The following MAP2K2 variants were observed in gnomAD, a reference collection of about 807,000 sequenced individuals.
MAP2K2 encodes the protein mitogen-activated protein kinase kinase 2.
MAP2K2 carries 24 observed loss-of-function variants against 43.7 expected under a neutral mutation model. That is an observed-to-expected ratio of 0.55 (90% CI 0.40 to 0.77). The LOEUF is 0.77. Ranked by LOEUF, MAP2K2 falls within the 30% of genes least tolerant of loss-of-function variation. The pLI is 0.00. For missense variants in MAP2K2, 470 were observed against 566.8 expected (o/e 0.83, Z 1.73); for synonymous variants, 244 against 239.7 (o/e 1.02, Z -0.17).
At chr19:4,121,296 C>T (rs568729427) in intron 1 of MAP2K2, among the ~76,000 whole-genome samples, 4 of 152,020 alleles carry the variant, frequency 2.6e-5, no homozygotes, top group South Asian at 2.1e-4. Flanking sequence ...AAGGGTTTTC[C>T]GGTCCACTCA....
chr19:4,121,630 C>T (rs1338341622), intron 1 of MAP2K2, among the ~76,000 whole-genome samples: 7 of 93,902 alleles, frequency 7.5e-5, no homozygotes, highest in Admixed American at 2.2e-4. Flanking sequence ...ACATGACCCC[C>T]GAGGACCCAA....
At chr19:4,100,812 G>A in intron 6 of MAP2K2, 1 of 629,332 alleles carries the variant, frequency 1.6e-6, no homozygotes, top group Non-Finnish European at 2.8e-6. Flanking sequence ...GGTGCTAACA[G>A]CCATGTAGGA....
chr19:4,118,288 G>A (rs951730615), intron 1 of MAP2K2, among the ~76,000 whole-genome samples: 2 of 152,150 alleles, frequency 1.3e-5, no homozygotes, highest in African/African-American at 4.8e-5. Flanking sequence ...GGGAGGAGAC[G>A]AGGAAGCTGG....
chr19:4,112,649 G>A (rs2041168461), intron 2 of MAP2K2, among the ~76,000 whole-genome samples: 1 of 152,034 alleles, frequency 6.6e-6, no homozygotes, highest in Non-Finnish European at 1.5e-5. Flanking sequence ...CGCAGCCCTG[G>A]CGCTGCCTGC....
intron 2 of MAP2K2, among the ~76,000 whole-genome samples, chr19:4,116,628 C>T (rs992083332): frequency 6.6e-6 from 1 of 152,150 alleles, no homozygotes; most frequent in Admixed American, 6.6e-5. Flanking sequence ...CATTCCACAC[C>T]CAGGCTCCCA....
At chr19:4,108,021 G>C (rs2145066048) in intron 3 of MAP2K2, among the ~76,000 whole-genome samples, 1 of 152,288 alleles carries the variant, frequency 6.6e-6, no homozygotes, top group African/African-American at 2.4e-5. Flanking sequence ...TTGCCTCACT[G>C]GGGTGGCCTG....
intron 2 of MAP2K2, among the ~76,000 whole-genome samples, chr19:4,111,149 A>G (rs1183734888): frequency 6.6e-6 from 1 of 152,128 alleles, no homozygotes; most frequent in Non-Finnish European, 1.5e-5. Flanking sequence ...GATGGGGGTG[A>G]CTGCTGATGT....
At chr19:4,114,362 C>T (rs536205200) in intron 2 of MAP2K2, among the ~76,000 whole-genome samples, 2 of 152,218 alleles carry the variant, frequency 1.3e-5, no homozygotes, top group Non-Finnish European at 2.9e-5. Flanking sequence ...GGCTTCGACT[C>T]AGGTCGTCAC....
At chr19:4,117,730 T>C in intron 1 of MAP2K2, 101 bp from the exon 2 acceptor site, 1 of 1,037,008 alleles carries the variant, frequency 9.6e-7, no homozygotes, top group East Asian at 2.4e-5. Flanking sequence ...GGACACAGAC[T>C]GGATTCCTGC....
At chr19:4,120,893 T>C (rs1211754629) in intron 1 of MAP2K2, among the ~76,000 whole-genome samples, 1 of 145,380 alleles carries the variant, frequency 6.9e-6, no homozygotes, top group Non-Finnish European at 1.6e-5. Context: ...TGTCTGGCTG[T>C]GCCCGTGTTG....
At chr19:4,098,640 C>T (rs2040955606) in intron 7 of MAP2K2, among the ~76,000 whole-genome samples, 1 of 152,176 alleles carries the variant, frequency 6.6e-6, no homozygotes. Context: ...CCCGAGGTGC[C>T]CGCCCTAAGT....
chr19:4,122,962 A>G (rs2041319635), intron 1 of MAP2K2, among the ~76,000 whole-genome samples: 1 of 137,324 alleles, frequency 7.3e-6, no homozygotes, highest in South Asian at 2.3e-4. Context: ...TCCCCTCTGG[A>G]GCCCCCTTGC....
Position 4,101,769 on chromosome 19 carries a change from T to C in MAP2K2, c.529-489A>G, listed in dbSNP as rs554069567. 7.2e-5 allele frequency among the ~76,000 whole-genome samples: 11 copies of C among 152,232 alleles called. No homozygotes were observed. In the East Asian group the frequency reaches 1.9e-3, roughly 27 times the overall value. On this transcript the variant is annotated intron_variant, in intron 4 of 10. Transcript: ENST00000262948. The surrounding 1 kb of genome is among the most constrained non-coding windows in gnomAD (Gnocchi z 6.3). Reference sequence around the variant, plus strand: ...GAAGTGAAGCAAGCAGCACAGGCAGTGTGACGGCAGCTTTCAACTCGGAAA... The same window carrying C: ...GAAGTGAAGCAAGCAGCACAGGCAGCGTGACGGCAGCTTTCAACTCGGAAA...
chr19:4,091,277 G>A (rs1237958457), intron 10 of MAP2K2, among the ~76,000 whole-genome samples: 1 of 152,198 alleles, frequency 6.6e-6, no homozygotes, highest in African/African-American at 2.4e-5. Context: ...AGAGCCCCTG[G>A]ACTGTGGCTC....
intron 6 of MAP2K2, 200 bp from the exon 7 acceptor site, chr19:4,099,614 C>T (rs1431140171): frequency 2.3e-5 from 14 of 599,486 alleles, no homozygotes; most frequent in Non-Finnish European, 3.6e-5. Flanking sequence ...GGCTTCCAGC[C>T]CGAGGCCTGG....
intron 3 of MAP2K2, among the ~76,000 whole-genome samples, chr19:4,107,593 G>A (rs2041100902): frequency 6.6e-6 from 1 of 151,452 alleles, no homozygotes; most frequent in African/African-American, 2.4e-5. Flanking sequence ...TGTAGTCCCG[G>A]CTACCTGGAA....
In MAP2K2 at chr19:4,112,523, T is replaced by TG. The variant is rs559673687; in HGVS notation, c.304-1869dup. Among the ~76,000 whole-genome samples the TG allele has an allele frequency of 5.3e-5, 8 of 152,276 alleles. No individual in the cohort carries two copies. The South Asian group carries it at 1.5e-3, about 28-fold the overall frequency. ...CCGTGGCCACAGCACAGGGCGTGTGTGGGGAGTGGCCCCTGCTCTAGGCCT... is the reference window on the plus strand; with the variant it reads ...CCGTGGCCACAGCACAGGGCGTGTGTGGGGGAGTGGCCCCTGCTCTAGGCCT... On this transcript the variant is annotated intron_variant, in intron 2 of 10. Coordinates refer to ENST00000262948, the MANE Select transcript of MAP2K2 (RefSeq NM_030662.4).
chr19:4,094,754 C>T lies in MAP2K2; in HGVS notation c.1047-256G>A, dbSNP rs190092230. ...GAGGGAAAGAGGGTGGGAAACCCCGCCTGGTGGGTCAGAAGCCTGGACGCA... is the reference window on the plus strand; with the variant it reads ...GAGGGAAAGAGGGTGGGAAACCCCGTCTGGTGGGTCAGAAGCCTGGACGCA... On this transcript the variant is annotated intron_variant, in intron 9 of 10. Transcript: ENST00000262948. The T allele has an allele frequency of 1.7e-4, 91 of 547,216 alleles. No homozygotes were observed. The East Asian group carries it at 2.5e-3, about 15-fold the overall frequency. 33.9% of individuals were successfully genotyped at this position (547,216 alleles called of 1,614,324 possible). A position where few individuals can be genotyped will look rare whatever the true frequency, so the allele number is the denominator to read the frequency against.
chr19:4,099,674 T>G, intron 6 of MAP2K2: 1 of 525,758 alleles, frequency 1.9e-6, no homozygotes, highest in Non-Finnish European at 3.4e-6. Context: ...TCAGCACTTT[T>G]GGGAATGGAT....
Sources: allele counts gnomAD v4.1 joint callset (sites outside exome capture counted in the v4.1 genomes callset), GRCh38; gene constraint gnomAD v4.1.1; non-coding constraint Gnocchi (gnomAD v3.1); transcripts MANE v1.5; gene names NCBI Gene and HGNC (gene_info 2026-07-23, HGNC 2026-07-21).